Variants in TMEM165 observed in about 807,000 individuals in gnomAD.
TMEM165 encodes the protein putative divalent cation/proton antiporter TMEM165.
A neutral mutation model predicts 30.0 loss-of-function variants in TMEM165; 19 were observed. The observed-to-expected ratio is 0.63, with a 90% confidence interval of 0.44 to 0.93. The LOEUF is 0.93. Ranked by LOEUF, TMEM165 falls within the 40% of genes least tolerant of loss-of-function variation. TMEM165 has a pLI of 0.00. For synonymous variants in TMEM165, 168 were observed against 162.9 expected (o/e 1.03, Z -0.24); for missense variants, 340 against 417.0 (o/e 0.82, Z 1.61).
intron 3 of TMEM165, among the ~76,000 whole-genome samples, chr4:55,439,558 C>T (rs1723175377): frequency 6.6e-6 from 1 of 152,140 alleles, no homozygotes; most frequent in Non-Finnish European, 1.5e-5. Flanking sequence ...GATATTTGTA[C>T]ACCCATAATC....
In TMEM165 at chr4:55,435,274, C is replaced by G; in HGVS notation, c.408+10631C>G. ...TAGCACTAGGCAGCATTTTCTCTGC[C>G]AACTAATTCCAGGAACTAGAACACT... On this transcript the variant is annotated intron_variant, in intron 3 of 3. Transcript: ENST00000608091. 5.0e-6 allele frequency: 5 copies of G among 991,812 alleles called. No homozygotes were observed. The South Asian group carries it at 5.9e-5, about 12-fold the overall frequency. 61.4% of individuals were successfully genotyped at this position (991,812 alleles called of 1,614,324 possible). A position where few individuals can be genotyped will look rare whatever the true frequency, so the allele number is the denominator to read the frequency against.
chr4:55,430,574 T>A (rs1722432008), downstream of TMEM165: 1 of 152,188 alleles, frequency 6.6e-6, no homozygotes, highest in Non-Finnish European at 1.5e-5. Context: ...AATTATACTA[T>A]TTTTTTCCTT....
intron 3 of TMEM165, chr4:55,450,345 A>G: frequency 8.2e-7 from 1 of 1,218,452 alleles, no homozygotes; most frequent in Non-Finnish European, 1.2e-6. Context: ...ACAAGGCAAA[A>G]GTACCTGTAT....
At chr4:55,452,884 G>T (rs1296176671) in exon 4 of TMEM165, 2 of 525,516 alleles carry the variant, frequency 3.8e-6, no homozygotes, top group Non-Finnish European at 6.7e-6. Flanking sequence ...TTAGAGGCAG[G>T]TGAGACTCTA....
chr4:55,400,369 ATAT>A (rs1720942408), intron 1 of TMEM165, among the ~76,000 whole-genome samples: 2 of 50,344 alleles, frequency 4.0e-5, no homozygotes, highest in Non-Finnish European at 9.0e-5. Flanking sequence ...ATAATTAATT[ATAT>A]TAATATAATA....
chr4:55,412,214 T>G (rs1721533595), intron 2 of TMEM165: 1 of 275,744 alleles, frequency 3.6e-6, no homozygotes, highest in Non-Finnish European at 6.9e-6. Flanking sequence ...ACCAATGTGG[T>G]GAAACCGCAT....
chr4:55,447,855 C>T (rs1723997522), intron 3 of TMEM165, among the ~76,000 whole-genome samples: 1 of 152,046 alleles, frequency 6.6e-6, no homozygotes, highest in African/African-American at 2.4e-5. Context: ...TAATGCCAAA[C>T]AAAACAGAAA....
intron 3 of TMEM165, among the ~76,000 whole-genome samples, chr4:55,450,467 T>C (rs1357395574): frequency 1.3e-5 from 2 of 152,158 alleles, no homozygotes; most frequent in Admixed American, 6.5e-5. Flanking sequence ...TCTTACACCA[T>C]ATACAAAAAT....
chr4:55,419,376 AGACCTCAGCTCATCTT>A (rs1721872520), intron 4 of TMEM165, among the ~76,000 whole-genome samples: 2 of 152,332 alleles, frequency 1.3e-5, no homozygotes, highest in African/African-American at 4.8e-5. Flanking sequence ...GGGAAGCTAG[AGACCTCAGCTCATCTT>A]GTAGCTTTTA....
intron 3 of TMEM165, chr4:55,434,068 T>C (rs576026322): frequency 6.6e-6 from 1 of 152,654 alleles, no homozygotes; most frequent in South Asian, 2.1e-4. Flanking sequence ...CTGATAGCAG[T>C]CTTCAGAGGA....
At chr4:55,412,267 A>G (rs1179154856) in intron 2 of TMEM165, 5 of 223,150 alleles carry the variant, frequency 2.2e-5, no homozygotes, top group South Asian at 6.0e-5. Flanking sequence ...GGTAATGTGC[A>G]CCTGTAATCC....
intron 3 of TMEM165, among the ~76,000 whole-genome samples, chr4:55,447,619 T>C (rs567972041): frequency 6.6e-6 from 1 of 152,300 alleles, no homozygotes; most frequent in South Asian, 2.1e-4. Context: ...ATTTTTGACA[T>C]AGTAGGTATC....
At chr4:55,426,185 C>T (rs1033570980), downstream of TMEM165, 1 of 151,992 alleles carries the variant, frequency 6.6e-6, no homozygotes, top group African/African-American at 2.4e-5. Context: ...GCTTGTTTTT[C>T]CTTGTGTGTC....
downstream of TMEM165, chr4:55,430,420 T>G (rs1256169917): frequency 1.3e-5 from 2 of 152,208 alleles, no homozygotes; most frequent in African/African-American, 4.8e-5. Flanking sequence ...AACAGTCACA[T>G]GGAAAGAAAG....
At chr4:55,436,892 CTTTTT>C (rs35888413) in intron 3 of TMEM165, among the ~76,000 whole-genome samples, 4 of 98,366 alleles carry the variant, frequency 4.1e-5, no homozygotes, top group South Asian at 8.1e-4. Context: ...TTTGGGATGC[CTTTTT>C]TTTTTTTTTT....
At chr4:55,400,421 A>T (rs1402996221) in intron 1 of TMEM165, among the ~76,000 whole-genome samples, 1 of 132,056 alleles carries the variant, frequency 7.6e-6, no homozygotes, top group African/African-American at 2.8e-5. Context: ...TATTTATATT[A>T]AAATATAAAA....
At chr4:55,448,601 C>CGT (rs3034980) in intron 3 of TMEM165, among the ~76,000 whole-genome samples, 7,222 of 116,782 alleles carry the variant, frequency 0.062, 262 homozygotes, top group Middle Eastern at 0.15. Context: ...CGCACGCGCG[C>CGT]GTGTGTGTGT....
intron 1 of TMEM165, among the ~76,000 whole-genome samples, chr4:55,400,869 C>T (rs1247476424): frequency 6.6e-6 from 1 of 150,582 alleles, no homozygotes. Context: ...TATTTTTGTC[C>T]ACCTGATGGA....
intron 2 of TMEM165, among the ~76,000 whole-genome samples, chr4:55,416,364 T>C (rs1721721010): frequency 6.6e-6 from 1 of 152,174 alleles, no homozygotes; most frequent in South Asian, 2.1e-4. Flanking sequence ...TGAATGAGTA[T>C]TACTGATATA....
Sources: allele counts gnomAD v4.1 joint callset (sites outside exome capture counted in the v4.1 genomes callset), GRCh38; gene constraint gnomAD v4.1.1; transcripts MANE v1.5; gene names NCBI Gene and HGNC (gene_info 2026-07-23, HGNC 2026-07-21).